RSU1: variants seen among roughly 807,000 people sequenced by gnomAD.
RSU1 encodes Ras suppressor protein 1, also known as rsu-1.
Under a neutral mutation model 31.1 loss-of-function variants are expected in RSU1, and 26 were observed. The observed-to-expected ratio is 0.84, with a 90% CI of 0.61 to 1.16. The LOEUF (loss-of-function observed/expected upper bound fraction) is 1.16. Ranked by LOEUF, RSU1 falls within the 50% of genes most tolerant of loss-of-function variation. The pLI is 0.00. For synonymous variants in RSU1, 164 were observed against 136.3 expected (o/e 1.20, Z -1.41); for missense variants, 320 against 339.1 (o/e 0.94, Z 0.44).
intron 8 of RSU1, among the ~76,000 whole-genome samples, chr10:16,646,297 A>C (rs371348274): frequency 2.6e-5 from 4 of 152,200 alleles, no homozygotes; most frequent in East Asian, 1.9e-4. Context: ...GCTGTGTTCA[A>C]CTGTGGCCTC....
At chr10:16,597,891 CCT>C (rs1241219050) in intron 8 of RSU1, among the ~76,000 whole-genome samples, 1 of 152,252 alleles carries the variant, frequency 6.6e-6, no homozygotes, top group African/African-American at 2.4e-5. Context: ...TCCTTTAACT[CCT>C]CCAGCTGTGT....
chr10:16,706,176 G>A (rs1047861534), intron 7 of RSU1, among the ~76,000 whole-genome samples: 3 of 152,132 alleles, frequency 2.0e-5, no homozygotes, highest in Non-Finnish European at 2.9e-5. Context: ...CTGCTGGGTC[G>A]TATGGTAGTT....
Position 16,593,376 on chromosome 10 carries a change from C to A in RSU1, c.*18G>T, listed in dbSNP as rs768323681. On this transcript the variant is annotated 3_prime_UTR_variant, in exon 9 of 9. Transcript: ENST00000345264. Reference sequence around the variant, plus strand: ...GAGAGAGAAGGTGCTGGAAGGCCAGCCGATGCCAATCCCTTCCTTATCTGT... The same window carrying A: ...GAGAGAGAAGGTGCTGGAAGGCCAGACGATGCCAATCCCTTCCTTATCTGT... The A allele has an allele frequency of 6.2e-7, 1 of 1,613,908 alleles. No individual in the cohort carries two copies. Among genetic ancestry groups the A allele is most frequent in the Non-Finnish European group, 8.5e-7 (1 of 1,179,894 alleles).
At position 16,797,931 on chromosome 10, in the gene RSU1, G is replaced by A. The variant is rs1237482348; in HGVS notation, c.110-15847C>T. On this transcript the variant is annotated intron_variant, in intron 2 of 8. Coordinates refer to ENST00000345264, the MANE Select transcript of RSU1 (RefSeq NM_012425.4). ...GACTGGAGTGGAGCGGGGCAATCTCGGCTCACTGTAACCTCCGCCTCTCGG... is the reference window on the plus strand; with the variant it reads ...GACTGGAGTGGAGCGGGGCAATCTCAGCTCACTGTAACCTCCGCCTCTCGG... 6.4e-5 allele frequency among the ~76,000 whole-genome samples: 9 copies of A among 140,910 alleles called. No individual in the cohort carries two copies. The East Asian group carries it at 1.9e-3, about 30-fold the overall frequency. 92.4% of individuals were successfully genotyped at this position (140,910 alleles called of 152,430 possible).
intron 8 of RSU1, among the ~76,000 whole-genome samples, chr10:16,690,231 C>T (rs1227659240): frequency 2.0e-5 from 3 of 152,166 alleles, no homozygotes; most frequent in Non-Finnish European, 4.4e-5. Context: ...GAAGAGACAA[C>T]CACCATCAAA....
intron 7 of RSU1, among the ~76,000 whole-genome samples, chr10:16,699,157 C>T (rs180867836): frequency 3.9e-5 from 6 of 152,224 alleles, no homozygotes; most frequent in East Asian, 2.0e-4. Context: ...ATGGAAACCG[C>T]GCGAGCGAAA....
chr10:16,719,441 G>A lies in RSU1; in HGVS notation c.599-24286C>T, dbSNP rs78815526. 2.3e-4 allele frequency among the ~76,000 whole-genome samples: 35 copies of A among 152,204 alleles called. 1 individual carries two copies. In the East Asian group the frequency reaches 5.6e-3, roughly 24 times the overall value. Reference sequence around the variant, plus strand: ...TCACCCAAACACACCATGGGCTGTCGCGCTTCTTCACCTACCCAATACCCT... The same window carrying A: ...TCACCCAAACACACCATGGGCTGTCACGCTTCTTCACCTACCCAATACCCT... On this transcript the variant is annotated intron_variant, in intron 7 of 8. Coordinates refer to ENST00000345264, the MANE Select transcript of RSU1 (RefSeq NM_012425.4).
chr10:16,598,000 A>G (rs775681617), intron 8 of RSU1, among the ~76,000 whole-genome samples: 17 of 152,322 alleles, frequency 1.1e-4, no homozygotes, highest in Non-Finnish European at 2.1e-4. Context: ...AACAAGCTCC[A>G]AAGTCTGGTG....
intron 2 of RSU1, among the ~76,000 whole-genome samples, chr10:16,805,083 C>T (rs1315007345): frequency 6.6e-6 from 1 of 152,092 alleles, no homozygotes; most frequent in Non-Finnish European, 1.5e-5. Flanking sequence ...TGCCTGTAAT[C>T]CCAGCTACTC....
chr10:16,594,515 C>T (rs1276079584), intron 8 of RSU1, among the ~76,000 whole-genome samples: 4 of 150,540 alleles, frequency 2.7e-5, no homozygotes, highest in African/African-American at 4.9e-5. Context: ...TGGGCTCAAG[C>T]GATCTCATGG....
At chr10:16,691,782 T>A (rs1270636585) in intron 8 of RSU1, among the ~76,000 whole-genome samples, 1 of 143,912 alleles carries the variant, frequency 6.9e-6, no homozygotes, top group Non-Finnish European at 1.5e-5. Flanking sequence ...TCACCCAGGC[T>A]GGAGTGCAGT....
In RSU1 at chr10:16,741,045, C is replaced by G. The variant is rs376274925; in HGVS notation, c.598+11494G>C. Reference sequence around the variant, plus strand: ...GAATAACAAAGTTGAAACTAACATGCCCCAATTTAAAAACTTACTACAAAG... The same window carrying G: ...GAATAACAAAGTTGAAACTAACATGGCCCAATTTAAAAACTTACTACAAAG... On this transcript the variant is annotated intron_variant, in intron 7 of 8. Transcript: ENST00000345264. Among the ~76,000 whole-genome samples the G allele has an allele frequency of 3.0e-4, 45 of 152,228 alleles. No homozygotes were observed. The South Asian group carries it at 7.5e-3, about 25-fold the overall frequency.
chr10:16,619,345 G>A (rs1431039208), intron 8 of RSU1, among the ~76,000 whole-genome samples: 2 of 152,174 alleles, frequency 1.3e-5, no homozygotes, highest in Admixed American at 1.3e-4. Context: ...CTTCACTAGG[G>A]AGAGCTGATG....
chr10:16,597,436 G>A (rs572507487), intron 8 of RSU1, among the ~76,000 whole-genome samples: 2 of 152,294 alleles, frequency 1.3e-5, no homozygotes, highest in East Asian at 3.9e-4. Flanking sequence ...CCCTGAACTT[G>A]CTGCTCAAAT....
At chr10:16,698,699 G>A (rs1024047570) in intron 7 of RSU1, among the ~76,000 whole-genome samples, 1 of 152,194 alleles carries the variant, frequency 6.6e-6, no homozygotes, top group East Asian at 1.9e-4. Context: ...GCTGCTAACT[G>A]GAGCACACAG....
chr10:16,763,320 C>T (rs1427921181), intron 4 of RSU1, among the ~76,000 whole-genome samples: 2 of 152,222 alleles, frequency 1.3e-5, no homozygotes, highest in African/African-American at 2.4e-5. Flanking sequence ...GTATAGGAAG[C>T]GTGGCAGCAG....
At chr10:16,708,035 AATTT>A (rs1402211078) in intron 7 of RSU1, among the ~76,000 whole-genome samples, 4 of 152,196 alleles carry the variant, frequency 2.6e-5, no homozygotes, top group African/African-American at 7.2e-5. Context: ...TAGGTATGTA[AATTT>A]ATTTGTCGGC....
chr10:16,640,185 T>C (rs1198179276), intron 8 of RSU1, among the ~76,000 whole-genome samples: 1 of 152,162 alleles, frequency 6.6e-6, no homozygotes, highest in Non-Finnish European at 1.5e-5. Context: ...TGCTGGACTC[T>C]GGTCATTTAG....
intron 8 of RSU1, among the ~76,000 whole-genome samples, chr10:16,599,450 G>C (rs907610821): frequency 6.6e-6 from 1 of 152,126 alleles, no homozygotes; most frequent in Non-Finnish European, 1.5e-5. Context: ...TGGCCCTACA[G>C]GAGCCCACCA....
Sources: gnomAD v4.1 joint callset for allele counts (sites outside exome capture counted in the v4.1 genomes callset) on GRCh38, gnomAD v4.1.1 for gene constraint, MANE v1.5 for transcripts, NCBI Gene and HGNC (gene_info 2026-07-23, HGNC 2026-07-21) for gene names.